Variants in KANK1 observed in about 807,000 individuals in gnomAD.
KANK1 encodes the protein KN motif and ankyrin repeat domain-containing protein 1.
A neutral mutation model predicts 106.2 loss-of-function variants in KANK1; 109 were observed. The observed-to-expected ratio is 1.03, with a 90% CI of 0.88 to 1.20. KANK1 has a LOEUF of 1.20. Ranked by LOEUF, KANK1 falls within the 50% of genes most tolerant of loss-of-function variation. KANK1 has a pLI of 0.00. For synonymous variants in KANK1, 873 were observed against 652.2 expected (o/e 1.34, Z -5.16); for missense variants, 2,399 against 1,710.7 (o/e 1.40, Z -7.10).
At chr9:510,553 A>T (rs1011781964) in intron 1 of KANK1, among the ~76,000 whole-genome samples, 5 of 152,230 alleles carry the variant, frequency 3.3e-5, no homozygotes, top group Non-Finnish European at 7.3e-5. Context: ...GAAATTGGCT[A>T]GGGAGCAGAC....
chr9:627,926 GC>G (rs1834740158), intron 1 of KANK1, among the ~76,000 whole-genome samples: 1 of 151,142 alleles, frequency 6.6e-6, no homozygotes, highest in Non-Finnish European at 1.5e-5. Context: ...TTTATATACA[GC>G]CCCCGCTAAG....
chr9:570,318 C>G (rs1818854293), intron 1 of KANK1, among the ~76,000 whole-genome samples: 1 of 152,166 alleles, frequency 6.6e-6, no homozygotes, highest in South Asian at 2.1e-4. Context: ...AATAGAAAGC[C>G]TTGACTTGCT....
chr9:698,346 T>C (rs1476876502), intron 2 of KANK1, among the ~76,000 whole-genome samples: 1 of 152,154 alleles, frequency 6.6e-6, no homozygotes, highest in East Asian at 1.9e-4. Flanking sequence ...TAAAATGTTG[T>C]CTCCTGTTTC....
At chr9:718,816 T>G (rs573835826) in intron 3 of KANK1, among the ~76,000 whole-genome samples, 1 of 152,246 alleles carries the variant, frequency 6.6e-6, no homozygotes, top group African/African-American at 2.4e-5. Flanking sequence ...ATTTGTCCTT[T>G]CTCCTCTATC....
chr9:732,649 C>G, intron 6 of KANK1, 32 bp downstream of exon 6: 1 of 1,602,888 alleles, frequency 6.2e-7, no homozygotes, highest in Non-Finnish European at 8.5e-7. Context: ...TCCCTTGCCC[C>G]TCCCACATTT....
At chr9:547,327 C>G (rs1345654852) in intron 1 of KANK1, 1 of 152,188 alleles carries the variant, frequency 6.6e-6, no homozygotes, top group Non-Finnish European at 1.5e-5. Context: ...ACAGAACTGT[C>G]TCGGAAAGCC....
chr9:507,556 A>ATTTT (rs755577004), intron 1 of KANK1, among the ~76,000 whole-genome samples: 2 of 127,418 alleles, frequency 1.6e-5, no homozygotes, highest in African/African-American at 6.4e-5. Flanking sequence ...TGCCCGGCTA[A>ATTTT]TTTTTTTTTT....
intron 2 of KANK1, among the ~76,000 whole-genome samples, chr9:690,146 A>C (rs994829657): frequency 8.7e-4 from 130 of 149,152 alleles, no homozygotes; most frequent in Non-Finnish European, 1.7e-3. Flanking sequence ...AAAAAAAAAA[A>C]AAAAAAAAAA....
intron 3 of KANK1, among the ~76,000 whole-genome samples, chr9:487,333 A>C (rs1404497353): frequency 6.6e-6 from 1 of 152,230 alleles, no homozygotes; most frequent in African/African-American, 2.4e-5. Context: ...GAGAAATTCA[A>C]ACTTTATTAT....
chr9:530,261 T>C lies in KANK1; in HGVS notation c.-84+25507T>C, dbSNP rs139961269. Among the ~76,000 whole-genome samples, 256 of 152,364 alleles carry C rather than the reference T, an allele frequency of 1.7e-3. 3 individuals are homozygous for C. Among genetic ancestry groups the C allele is most frequent in the African/African-American group, 5.7e-3 (237 of 41,600 alleles). On this transcript the variant is annotated intron_variant, in intron 1 of 11. Transcript: ENST00000382297. ...TATTAGCAGCTTATTTTAAAGTCTT[T>C]GGATTTAATATCATGAAGAGAAAAA...
chr9:550,287 A>T (rs1199508461), intron 1 of KANK1, among the ~76,000 whole-genome samples: 19 of 151,660 alleles, frequency 1.3e-4, no homozygotes, highest in Admixed American at 1.2e-3. Context: ...ACTGGGTTTT[A>T]TGAAAGCCGT....
intron 1 of KANK1, among the ~76,000 whole-genome samples, chr9:602,416 T>G (rs903066167): frequency 6.6e-6 from 1 of 151,548 alleles, no homozygotes; most frequent in Non-Finnish European, 1.5e-5. Flanking sequence ...TGCACCACCA[T>G]GCCCAGCTAA....
At chr9:596,319 A>G (rs1291690428) in intron 1 of KANK1, among the ~76,000 whole-genome samples, 1 of 151,914 alleles carries the variant, frequency 6.6e-6, no homozygotes, top group Non-Finnish European at 1.5e-5. Flanking sequence ...GGGCTCTAGA[A>G]GCAGCCATGG....
At chr9:483,325 A>G (rs1194811214) in intron 3 of KANK1, among the ~76,000 whole-genome samples, 1 of 152,204 alleles carries the variant, frequency 6.6e-6, no homozygotes, top group Non-Finnish European at 1.5e-5. Context: ...CACTAATAAA[A>G]AAGCACTGAT....
chr9:722,736 CTT>C (rs1364041258), intron 3 of KANK1, among the ~76,000 whole-genome samples: 1 of 152,184 alleles, frequency 6.6e-6, no homozygotes, highest in Non-Finnish European at 1.5e-5. Context: ...TAATGAGGTT[CTT>C]TTCCTTACCA....
intron 1 of KANK1, among the ~76,000 whole-genome samples, chr9:546,676 C>G (rs553503663): frequency 6.6e-6 from 1 of 151,936 alleles, no homozygotes; most frequent in African/African-American, 2.4e-5. Context: ...CCCACTCCCC[C>G]AAGCAGTAAA....
At chr9:649,194 A>G (rs949066497) in intron 1 of KANK1, among the ~76,000 whole-genome samples, 1 of 152,148 alleles carries the variant, frequency 6.6e-6, no homozygotes, top group African/African-American at 2.4e-5. Flanking sequence ...GCAGTCTTCC[A>G]GTATTTCTAT....
chr9:553,339 T>G (rs903835945), intron 1 of KANK1, among the ~76,000 whole-genome samples: 1 of 152,202 alleles, frequency 6.6e-6, no homozygotes, highest in Non-Finnish European at 1.5e-5. Context: ...AGGGCTACTT[T>G]GTGCCAGGCA....
intron 2 of KANK1, 106 bp from the exon 3 acceptor site, chr9:710,698 A>C (rs1817544836): frequency 9.7e-6 from 10 of 1,031,042 alleles, no homozygotes; most frequent in South Asian, 2.0e-5. Context: ...AGGTGTGTCA[A>C]CTCTTAAAAT....
Sources: allele counts gnomAD v4.1 joint callset (sites outside exome capture counted in the v4.1 genomes callset), GRCh38; gene constraint gnomAD v4.1.1; transcripts MANE v1.5; gene names NCBI Gene and HGNC (gene_info 2026-07-23, HGNC 2026-07-21).